The following RAB19 variants were observed in gnomAD, a reference collection of about 807,000 sequenced individuals.
The protein encoded by RAB19 is RAB19, member RAS oncogene family, also known as ras-related protein Rab-19.
RAB19 carries 21 observed loss-of-function variants against 17.3 expected under a neutral mutation model. That is an observed-to-expected ratio of 1.21 (90% CI 0.86 to 1.74). The LOEUF (loss-of-function observed/expected upper bound fraction) is 1.74. RAB19 is among the 40% of genes most tolerant of loss of function. RAB19 has a pLI of 0.00. For missense variants in RAB19, 277 were observed against 286.8 expected, an observed-to-expected ratio of 0.97 and a Z score of 0.25; for synonymous variants, 126 against 110.4, an observed-to-expected ratio of 1.14 and a Z score of -0.88.
At chr7:140,405,321 A>C (rs1187293824) in intron 1 of RAB19, among the ~76,000 whole-genome samples, 1 of 152,174 alleles carries the variant, frequency 6.6e-6, no homozygotes, top group Non-Finnish European at 1.5e-5. Context: ...TCTGGGTTCA[A>C]GCCATTCTCC....
At chr7:140,406,413 G>C (rs1799242432) in intron 1 of RAB19, among the ~76,000 whole-genome samples, 1 of 152,014 alleles carries the variant, frequency 6.6e-6, no homozygotes, top group Non-Finnish European at 1.5e-5. Context: ...ACTGAGGCAG[G>C]TAAATCACTT....
chr7:140,411,413 C>G (rs1400261458), intron 2 of RAB19, among the ~76,000 whole-genome samples: 1 of 152,042 alleles, frequency 6.6e-6, no homozygotes, highest in South Asian at 2.1e-4. Context: ...AAAAATAGGT[C>G]CATCTCTCTG....
chr7:140,405,521 C>T (rs375464557), intron 1 of RAB19, among the ~76,000 whole-genome samples: 24 of 147,592 alleles, frequency 1.6e-4, no homozygotes, highest in African/African-American at 5.5e-4. Context: ...TGCCCCTGGC[C>T]TATTTCTTAT....
chr7:140,408,369 T>C (rs1183939750), intron 2 of RAB19, among the ~76,000 whole-genome samples: 1 of 151,782 alleles, frequency 6.6e-6, no homozygotes, highest in Non-Finnish European at 1.5e-5. Flanking sequence ...ATAAGGAAAA[T>C]ACTGCTGAAT....
At chr7:140,407,522 C>T (rs540049921) in intron 1 of RAB19, 102 bp from the exon 2 acceptor site, 1 of 762,374 alleles carries the variant, frequency 1.3e-6, no homozygotes, top group African/African-American at 1.7e-5. Flanking sequence ...TTAGCATCGT[C>T]CTCTCACAAG....
chr7:140,416,237 A>G (rs1799455795), intron 3 of RAB19, among the ~76,000 whole-genome samples: 1 of 151,920 alleles, frequency 6.6e-6, no homozygotes, highest in Non-Finnish European at 1.5e-5. Flanking sequence ...CTGAGGCGGG[A>G]GAGTCGCTTG....
In RAB19 at chr7:140,424,317, C is replaced by T. The variant is rs924381429; in HGVS notation, c.386-1565C>T. Among the ~76,000 whole-genome samples the T allele has an allele frequency of 5.3e-5, 8 of 151,396 alleles. No individual in the cohort carries two copies. The Admixed American group carries it at 5.3e-4, about 10-fold the overall frequency. On this transcript the variant is annotated intron_variant, in intron 3 of 3. Coordinates refer to ENST00000537763, the MANE Select transcript of RAB19 (RefSeq NM_001008749.3). ...GGACTACAGGCATGCACCACCACAC[C>T]CAGCTAATTTTGTATTTTTAGTAGA... is the stretch of plus-strand genomic sequence containing the variant.
chr7:140,408,544 C>T (rs929988503), intron 2 of RAB19, among the ~76,000 whole-genome samples: 20 of 152,064 alleles, frequency 1.3e-4, no homozygotes, highest in African/African-American at 4.3e-4. Flanking sequence ...AGCACAGTTT[C>T]AGCTCACTGC....
chr7:140,405,401 T>C (rs532322378), intron 1 of RAB19, among the ~76,000 whole-genome samples: 24 of 152,136 alleles, frequency 1.6e-4, no homozygotes, highest in African/African-American at 5.5e-4. Context: ...TTTGTATTTT[T>C]AGTAGAGATG....
chr7:140,418,396 C>CAAAAAAAAA (rs140238398), intron 3 of RAB19, among the ~76,000 whole-genome samples: 1 of 70,372 alleles, frequency 1.4e-5, no homozygotes, highest in Non-Finnish European at 2.7e-5. Context: ...TGCTAAAATA[C>CAAAAAAAAA]AAAAAAAAAA....
At chr7:140,424,043 C>T (rs140926367) in intron 3 of RAB19, among the ~76,000 whole-genome samples, 7 of 151,312 alleles carry the variant, frequency 4.6e-5, no homozygotes, top group East Asian at 2.0e-4. Flanking sequence ...TTAGTAGAGA[C>T]GGGGTTTCAC....
Position 140,426,189 on chromosome 7 carries a change from C to T in RAB19, c.*39C>T, listed in dbSNP as rs753917927. On this transcript the variant is annotated 3_prime_UTR_variant, in exon 4 of 4. Transcript: ENST00000537763. The stretch of plus-strand genomic sequence containing the variant: ...CCAGTTGCACCCACCAAAGAGGCCG[C>T]CTCTGAAACCAAAGGTAGCCAGGAT... The T allele has an allele frequency of 4.2e-5, 67 of 1,590,132 alleles. No individual in the cohort carries two copies. The highest frequency in any genetic ancestry group is 5.6e-5 in the Non-Finnish European group (65 of 1,168,152).
Position 140,411,894 on chromosome 7 carries a change from T to C in RAB19, c.222T>C (p.Ala74=). The change falls in exon 3 of 4, where the codon GCT becomes GCC. Residue 74 remains alanine, a synonymous_variant. Transcript: ENST00000537763. Reference sequence around the variant, plus strand: ...TCCAGATGCAGGTGTGGGACACAGCTGGCCAGGAGCGCTTCCGCACCATCA... The same window carrying C: ...TCCAGATGCAGGTGTGGGACACAGCCGGCCAGGAGCGCTTCCGCACCATCA... ...KKVKMQVWDT[A]GQERFRTITQ... 1 of 1,614,192 alleles carries C rather than the reference T, an allele frequency of 6.2e-7. No homozygotes were observed. The highest frequency in any genetic ancestry group is 8.5e-7 in the Non-Finnish European group (1 of 1,180,034).
At chr7:140,412,611 C>T (rs1050915502) in intron 3 of RAB19, among the ~76,000 whole-genome samples, 1 of 151,228 alleles carries the variant, frequency 6.6e-6, no homozygotes, top group African/African-American at 2.4e-5. Flanking sequence ...GAAGTGATCC[C>T]CCTGCCTGGC....
Position 140,427,141 on chromosome 7 carries a change from CTTTT to C in RAB19, c.*1009_*1012del, listed in dbSNP as rs34940659. On this transcript the variant is annotated 3_prime_UTR_variant, in exon 4 of 4. Coordinates refer to ENST00000537763, the MANE Select transcript of RAB19 (RefSeq NM_001008749.3). ...ACAGGCATGAGCCACCATGCCTGTTCTTTTTTTTTTTTTTTTTTTTTGAGACTGA... is the reference window on the plus strand; with the variant it reads ...ACAGGCATGAGCCACCATGCCTGTTCTTTTTTTTTTTTTTTTTGAGACTGA... Among the ~76,000 whole-genome samples, 835 of 94,414 alleles carry C rather than the reference CTTTT, an allele frequency of 8.8e-3. 10 individuals are homozygous for C. Among genetic ancestry groups the C allele is most frequent in the African/African-American group, 0.032 (770 of 23,774 alleles). The allele number at this position is 94,414 out of a possible 152,430, so 61.9% of individuals were successfully genotyped here.
rs1472339575 is a variant in RAB19 at position 140,411,870 on chromosome 7, C to T, written c.202-4C>T. The T allele has an allele frequency of 6.2e-7, 1 of 1,614,186 alleles. No individual in the cohort carries two copies. The highest frequency in any genetic ancestry group is 1.7e-5 in the Admixed American group (1 of 60,018). ...TTTGGACTCTCCTTCCTGTCCTTCT[C>T]CAGATGCAGGTGTGGGACACAGCTG... On this transcript the variant is annotated splice_region_variant and splice_polypyrimidine_tract_variant and intron_variant, in intron 2 of 3. Coordinates refer to ENST00000537763, the MANE Select transcript of RAB19 (RefSeq NM_001008749.3).
chr7:140,407,549 G>A lies in RAB19; in HGVS notation c.-23-75G>A, dbSNP rs950605841. ...TCTCACAAGGATGTAGCACTGTGAA[G>A]GTAATGACCTCCCTTCGTCTTGTCT... On this transcript the variant is annotated intron_variant, in intron 1 of 3. Coordinates refer to ENST00000537763, the MANE Select transcript of RAB19 (RefSeq NM_001008749.3). 10 of 1,060,762 alleles carry A rather than the reference G, an allele frequency of 9.4e-6. No individual in the cohort carries two copies. The African/African-American group carries it at 1.2e-4, about 13-fold the overall frequency. The allele number at this position is 1,060,762 out of a possible 1,614,324, so 65.7% of individuals were successfully genotyped here.
At chr7:140,415,897 T>C (rs1315756841) in intron 3 of RAB19, among the ~76,000 whole-genome samples, 1 of 150,222 alleles carries the variant, frequency 6.7e-6, no homozygotes, top group Non-Finnish European at 1.5e-5. Context: ...AGAGCAAGAC[T>C]CTGTCTCAAA....
At chr7:140,411,165 C>G in intron 2 of RAB19, 2 of 1,314,242 alleles carry the variant, frequency 1.5e-6, no homozygotes, top group Non-Finnish European at 2.0e-6. Flanking sequence ...TTTGGGAGGC[C>G]GAGGCCAGCA....
Sources: gnomAD v4.1 joint callset for allele counts (sites outside exome capture counted in the v4.1 genomes callset) on GRCh38, gnomAD v4.1.1 for gene constraint, MANE v1.5 for transcripts, NCBI Gene and HGNC (gene_info 2026-07-23, HGNC 2026-07-21) for gene names.